Variants in RPH3AL observed in about 807,000 individuals in gnomAD.
The protein encoded by RPH3AL is rabphilin 3A like (without C2 domains).
A neutral mutation model predicts 43.1 loss-of-function variants in RPH3AL; 38 were observed. The ratio of observed to expected loss-of-function variants is 0.88; its 90% CI spans 0.68 to 1.15. RPH3AL has a LOEUF of 1.15. Among genes scored for constraint, RPH3AL ranks in the 50% most tolerant of loss-of-function variants. The pLI, the probability that RPH3AL is intolerant of heterozygous loss-of-function variation, is 0.00. For missense variants in RPH3AL, 462 were observed against 423.2 expected (o/e 1.09, Z -0.81); for synonymous variants, 189 against 176.3 (o/e 1.07, Z -0.57).
At chr17:326,299 C>G (rs193214457) in intron 3 of RPH3AL, among the ~76,000 whole-genome samples, 67 of 152,370 alleles carry the variant, frequency 4.4e-4, no homozygotes, top group African/African-American at 1.6e-3. Context: ...TTTCCATCCC[C>G]CTTTGATGTT....
At chr17:242,660 TACCTTCCTCTATTGAC>T (rs2041587297) in intron 7 of RPH3AL, among the ~76,000 whole-genome samples, 1 of 141,104 alleles carries the variant, frequency 7.1e-6, no homozygotes, top group African/African-American at 2.6e-5. Context: ...CTCTATTGAC[TACCTTCCTCTATTGAC>T]TACCTTCCTC....
chr17:300,199 C>A (rs1429266973), intron 5 of RPH3AL, among the ~76,000 whole-genome samples: 1 of 84,998 alleles, frequency 1.2e-5, no homozygotes, highest in Admixed American at 1.2e-4. Context: ...CCAGCCTAGG[C>A]CTGCAGAATC....
intron 7 of RPH3AL, among the ~76,000 whole-genome samples, chr17:238,480 C>G (rs2041454902): frequency 6.6e-6 from 1 of 152,206 alleles, no homozygotes; most frequent in Admixed American, 6.5e-5. Flanking sequence ...ACAACGTCCA[C>G]CTGAGAATCG....
chr17:286,074 G>T (rs906296287), intron 5 of RPH3AL, among the ~76,000 whole-genome samples: 46 of 152,266 alleles, frequency 3.0e-4, no homozygotes, highest in African/African-American at 8.7e-4. Flanking sequence ...GCTGCCCTGT[G>T]GGGGGGTTTG....
rs559423136 is a variant in RPH3AL at position 297,749 on chromosome 17, G to A, written c.352-15895C>T. Among the ~76,000 whole-genome samples the A allele has an allele frequency of 1.5e-3, 228 of 152,270 alleles. 2 individuals are homozygous for A. Among genetic ancestry groups the A allele is most frequent in the Non-Finnish European group, 2.6e-3 (176 of 68,016 alleles). ...CCCAGGAGGGTGAGGCAGCAGCCTC[G>A]GTCCTCTCTCCACCATCCCCTTCCC... On this transcript the variant is annotated intron_variant, in intron 5 of 9. Transcript: ENST00000331302.
At chr17:313,921 A>C (rs551265220) in intron 5 of RPH3AL, among the ~76,000 whole-genome samples, 1 of 152,202 alleles carries the variant, frequency 6.6e-6, no homozygotes, top group East Asian at 1.9e-4. Context: ...CAAGCCCCTC[A>C]GAAGCCTCAG....
intron 6 of RPH3AL, among the ~76,000 whole-genome samples, chr17:249,486 T>C (rs1567583995): frequency 1.3e-5 from 2 of 151,908 alleles, no homozygotes; most frequent in African/African-American, 4.8e-5. Flanking sequence ...GAGAGGCCCA[T>C]GGGCACCACC....
intron 1 of RPH3AL, among the ~76,000 whole-genome samples, chr17:340,587 CCCACCCA>C (rs1567538183): frequency 0.023 from 162 of 7,182 alleles, no homozygotes; most frequent in Middle Eastern, 0.062. Context: ...CTCACTGCCC[CCCACCCA>C]GGCCTCCCCA....
intron 5 of RPH3AL, among the ~76,000 whole-genome samples, chr17:301,589 A>C (rs9285362): frequency 0.98 from 149,218 of 152,296 alleles, 73,160 homozygotes; most frequent in East Asian, 1. Context: ...GCAGGGGCAC[A>C]ACCAGGCCCA....
intron 1 of RPH3AL, among the ~76,000 whole-genome samples, chr17:348,093 TAAA>T (rs71145709): frequency 0.29 from 41,018 of 142,354 alleles, 6,078 homozygotes; most frequent in Admixed American, 0.33. Context: ...AAGGAGCAGT[TAAA>T]AAAAAAAAAA....
intron 1 of RPH3AL, among the ~76,000 whole-genome samples, chr17:336,995 C>T (rs1372436549): frequency 3.3e-5 from 5 of 152,232 alleles, no homozygotes; most frequent in African/African-American, 1.2e-4. Context: ...CCGCCCGCAT[C>T]CTCGGGGGCA....
rs186067891 is a variant in RPH3AL, at chr17:321,912, G to A, written c.78-497C>T. 5.9e-5 allele frequency among the ~76,000 whole-genome samples: 9 copies of A among 152,360 alleles called. No individual in the cohort carries two copies. In the East Asian group the frequency reaches 1.4e-3, roughly 23 times the overall value. On this transcript the variant is annotated intron_variant, in intron 3 of 9. Coordinates refer to ENST00000331302, the MANE Select transcript of RPH3AL (RefSeq NM_006987.4). ...AGAAGGCCAAGGTCACAGCACGAGAGGTGTCAAGGGAGGAGCATGAGAGAT... is the reference window on the plus strand; with the variant it reads ...AGAAGGCCAAGGTCACAGCACGAGAAGTGTCAAGGGAGGAGCATGAGAGAT...
intron 1 of RPH3AL, among the ~76,000 whole-genome samples, chr17:348,107 A>C (rs2045278440): frequency 6.6e-6 from 1 of 152,020 alleles, no homozygotes; most frequent in Non-Finnish European, 1.5e-5. Context: ...AAAAAAAAAA[A>C]AAACAGAGCT....
At chr17:238,126 A>C (rs1346114231) in intron 7 of RPH3AL, among the ~76,000 whole-genome samples, 4 of 151,792 alleles carry the variant, frequency 2.6e-5, no homozygotes, top group Admixed American at 2.0e-4. Context: ...TAGGTGACAG[A>C]GTGAAACCCT....
In RPH3AL at chr17:347,001, G is replaced by A. The variant is rs1052668894; in HGVS notation, c.-213+5711C>T. 3.7e-5 allele frequency among the ~76,000 whole-genome samples: 5 copies of A among 135,806 alleles called. 1 individual carries two copies. The highest frequency in any genetic ancestry group is 1.3e-4 in the African/African-American group (5 of 39,616). 89.1% of individuals were successfully genotyped at this position (135,806 alleles called of 152,430 possible). A position where few individuals can be genotyped will look rare whatever the true frequency, so the allele number is the denominator to read the frequency against. ...CGGCCAGGCGCGGTGGCTCACGCCT[G>A]TAATCCCAGCACTTTGGGAGGCCGA... is the stretch of plus-strand genomic sequence containing the variant. On this transcript the variant is annotated intron_variant, in intron 1 of 9. Transcript: ENST00000331302.
At chr17:285,752 C>A (rs1397468562) in intron 5 of RPH3AL, among the ~76,000 whole-genome samples, 3 of 152,336 alleles carry the variant, frequency 2.0e-5, no homozygotes, top group Admixed American at 2.0e-4. Context: ...GAGGACCCTG[C>A]CCTCAGTCTC....
intron 6 of RPH3AL, among the ~76,000 whole-genome samples, chr17:259,429 G>A (rs78512744): frequency 0.13 from 19,957 of 152,134 alleles, 1,581 homozygotes; most frequent in Non-Finnish European, 0.17. Flanking sequence ...AACACACCAC[G>A]GCAGCCTTAA....
intron 5 of RPH3AL, among the ~76,000 whole-genome samples, chr17:294,387 G>C (rs1294095546): frequency 6.6e-6 from 1 of 152,208 alleles, no homozygotes; most frequent in African/African-American, 2.4e-5. Context: ...TCAGAAGGTC[G>C]AGGCTGCAGT....
rs1414745200 is a variant in RPH3AL at position 246,273 on chromosome 17, C to T, written c.613+838G>A. On this transcript the variant is annotated intron_variant, in intron 7 of 9. Transcript: ENST00000331302. This position sits in a 1 kb window ranked among gnomAD's most constrained non-coding sequence, Gnocchi z 4.8. The stretch of plus-strand genomic sequence containing the variant: ...CAAGACGAGCCATGATCCGAACGAG[C>T]CTCCCTCACCCCTCTGCCTGCCGTC... Among the ~76,000 whole-genome samples, 1 of 152,060 alleles carries T rather than the reference C, an allele frequency of 6.6e-6. No individual in the cohort carries two copies. The highest frequency in any genetic ancestry group is 6.6e-5 in the Admixed American group (1 of 15,248).
Sources: gnomAD v4.1 joint callset for allele counts (sites outside exome capture counted in the v4.1 genomes callset) on GRCh38, gnomAD v4.1.1 for gene constraint, Gnocchi (gnomAD v3.1) non-coding constraint, MANE v1.5 for transcripts, NCBI Gene and HGNC (gene_info 2026-07-23, HGNC 2026-07-21) for gene names.